SDSL: variants seen among roughly 807,000 people sequenced by gnomAD.
The protein encoded by SDSL is serine dehydratase like.
A neutral mutation model predicts 27.6 loss-of-function variants in SDSL; 26 were observed. The observed-to-expected ratio is 0.94, with a 90% CI of 0.69 to 1.31. The LOEUF (loss-of-function observed/expected upper bound fraction) is 1.31, where lower values mean the gene tolerates loss of function less well. Among genes scored for constraint, SDSL ranks in the 50% most tolerant of loss-of-function variants. SDSL has a pLI of 0.00. For synonymous variants in SDSL, 196 were observed against 180.6 expected (o/e 1.09, Z -0.69); for missense variants, 431 against 423.5 (o/e 1.02, Z -0.16).
At chr12:113,433,775 CTGGTGT>C (rs1258620061) in intron 4 of SDSL, among the ~76,000 whole-genome samples, 3 of 152,202 alleles carry the variant, frequency 2.0e-5, no homozygotes, top group African/African-American at 7.2e-5. Flanking sequence ...AAGTTGCTAT[CTGGTGT>C]TTGACTTTAG....
At position 113,435,398 on chromosome 12, in the gene SDSL, G is replaced by A. The variant is rs771176991; in HGVS notation, c.513G>A (p.Leu171=). ...VLRTPPGALV[L]AVGGGGLLAG... ...GGACCCCACCAGGTGCCCTGGTGCT[G>A]GCAGTTGGGGGTGGGGGTCTCCTGG... is the stretch of plus-strand genomic sequence containing the variant. Residue 171 remains leucine, a synonymous_variant, in exon 6 of 8, where the codon CTG becomes CTA. Coordinates refer to ENST00000403593, the MANE Select transcript of SDSL (RefSeq NM_001304993.2). 36 of 1,610,756 alleles carry A rather than the reference G, an allele frequency of 2.2e-5. No individual in the cohort carries two copies. The South Asian group carries it at 3.9e-4, about 17-fold the overall frequency.
intron 5 of SDSL, among the ~76,000 whole-genome samples, chr12:113,434,539 C>T (rs1957967125): frequency 6.6e-6 from 1 of 152,186 alleles, no homozygotes; most frequent in African/African-American, 2.4e-5. Flanking sequence ...TTACCCTCCC[C>T]AAAGCCCTAG....
Position 113,429,269 on chromosome 12 carries a change from G to A in SDSL, c.324G>A (p.Gly108=), listed in dbSNP as rs374638933. 5.0e-5 allele frequency: 81 copies of A among 1,612,576 alleles called. No homozygotes were observed. In the Middle Eastern group the frequency reaches 2.1e-3, roughly 43 times the overall value. The change falls in exon 4 of 8, where the codon GGG becomes GGA. Residue 108 remains glycine, a synonymous_variant. Coordinates refer to ENST00000403593, the MANE Select transcript of SDSL (RefSeq NM_001304993.2). ...TGCAGGTGGTGCAGAGGCTGCAGGGGGAGGGGGCCGAGGTTCAGCTGACTG... is the reference window on the plus strand; with the variant it reads ...TGCAGGTGGTGCAGAGGCTGCAGGGAGAGGGGGCCGAGGTTCAGCTGACTG... ...TSLQVVQRLQ[G]EGAEVQLTGK...
At chr12:113,428,894 C>T (rs574344052) in intron 3 of SDSL, among the ~76,000 whole-genome samples, 35 of 151,738 alleles carry the variant, frequency 2.3e-4, no homozygotes, top group Non-Finnish European at 4.1e-4. Flanking sequence ...CACCCCTTCT[C>T]GATGCCTCGC....
rs1449478790 is a variant in SDSL at position 113,429,210 on chromosome 12, C to T, written c.265C>T (p.Pro89Ser). ...CTATGCTGCTAGGAAGCTGGGCATTCCTGCCACCATCGTGCTCCCCGAGAG... is the reference window on the plus strand; with the variant it reads ...CTATGCTGCTAGGAAGCTGGGCATTTCTGCCACCATCGTGCTCCCCGAGAG... ...AAYAARKLGI[P>S]ATIVLPESTS... The change falls in exon 4 of 8, where the codon CCT becomes TCT. Residue 89 changes from proline to serine, a missense_variant. By Grantham distance (74) the Pro-to-Ser change is moderately conservative. Transcript: ENST00000403593. The T allele has an allele frequency of 1.2e-6, 2 of 1,613,820 alleles. No homozygotes were observed. Among genetic ancestry groups the T allele is most frequent in the African/African-American group, 2.7e-5 (2 of 74,870 alleles).
At chr12:113,432,224 C>G (rs1957931986) in intron 4 of SDSL, among the ~76,000 whole-genome samples, 2 of 24,892 alleles carry the variant, frequency 8.0e-5, no homozygotes, top group African/African-American at 1.4e-4. Flanking sequence ...TTCTTTCTTT[C>G]TTTCTTTCTT....
intron 1 of SDSL, chr12:113,425,575 A>G (rs1179947624): frequency 4.5e-6 from 2 of 439,778 alleles, no homozygotes; most frequent in Admixed American, 2.5e-5. Context: ...TCTGCCTGGG[A>G]CAAGAGGAGC....
chr12:113,426,149 C>T (rs1010255909), intron 1 of SDSL: 2 of 455,918 alleles, frequency 4.4e-6, no homozygotes, highest in Admixed American at 4.7e-5. Context: ...CCTACCCTCA[C>T]CTCCTGCCCC....
intron 5 of SDSL, 21 bp from the exon 6 acceptor site, chr12:113,435,308 C>T (rs756070404): frequency 6.8e-7 from 1 of 1,471,868 alleles, no homozygotes; most frequent in Non-Finnish European, 9.1e-7. Flanking sequence ...TCTGCTTCTC[C>T]CTCTCACCCC....
At chr12:113,424,664 C>T (rs762119717) in intron 1 of SDSL, among the ~76,000 whole-genome samples, 3 of 151,982 alleles carry the variant, frequency 2.0e-5, no homozygotes, top group African/African-American at 2.4e-5. Flanking sequence ...AGTGAGATAA[C>T]GTCTCCAGAG....
chr12:113,429,021 C>T, intron 3 of SDSL, 139 bp from the exon 4 acceptor site: 2 of 988,462 alleles, frequency 2.0e-6, no homozygotes, highest in East Asian at 2.6e-5. Context: ...TATGTGTCCC[C>T]CTCTTGAGTG....
intron 6 of SDSL, 69 bp downstream of exon 6, chr12:113,435,625 TC>T: frequency 1.5e-6 from 2 of 1,339,974 alleles, no homozygotes; most frequent in Non-Finnish European, 2.1e-6. Flanking sequence ...GGCCTTCCAG[TC>T]CCAGCCGGTG....
intron 1 of SDSL, among the ~76,000 whole-genome samples, chr12:113,427,516 C>G (rs1957863435): frequency 6.6e-6 from 1 of 152,204 alleles, no homozygotes; most frequent in Admixed American, 6.5e-5. Flanking sequence ...TTCATGATTG[C>G]TTTTGCTAAA....
intron 4 of SDSL, among the ~76,000 whole-genome samples, chr12:113,431,911 ATTT>A (rs34838365): frequency 2.8e-4 from 37 of 131,688 alleles, no homozygotes; most frequent in African/African-American, 9.8e-4. Flanking sequence ...ACGCCTGGCT[ATTT>A]TTTTTTTTTT....
At chr12:113,435,651 C>T in intron 6 of SDSL, 95 bp downstream of exon 6, 1 of 1,033,094 alleles carries the variant, frequency 9.7e-7, no homozygotes, top group Non-Finnish European at 1.4e-6. Context: ...CGGGGGCACC[C>T]AAAAGGCTGT....
At chr12:113,430,934 G>T (rs1957914543) in intron 4 of SDSL, among the ~76,000 whole-genome samples, 1 of 152,194 alleles carries the variant, frequency 6.6e-6, no homozygotes, top group Non-Finnish European at 1.5e-5. Flanking sequence ...ACATGGCAAG[G>T]TGTAGGTGTA....
intron 3 of SDSL, 75 bp from the exon 4 acceptor site, chr12:113,429,085 A>C: frequency 6.5e-7 from 1 of 1,536,474 alleles, no homozygotes; most frequent in South Asian, 1.2e-5. Flanking sequence ...CTCTGAAGGG[A>C]TATGGAGGGG....
At chr12:113,425,789 T>TTAGGAAAAA in intron 1 of SDSL, 1 of 447,018 alleles carries the variant, frequency 2.2e-6, no homozygotes, top group Non-Finnish European at 4.5e-6. Context: ...GCTCAGGAGT[T>TTAGGAAAAA]TGAGACCAGC....
chr12:113,424,739 C>T (rs1957828344), intron 1 of SDSL, among the ~76,000 whole-genome samples: 1 of 151,006 alleles, frequency 6.6e-6, no homozygotes, highest in Non-Finnish European at 1.5e-5. Context: ...CTCTCTCTCT[C>T]TCTTTTTTTT....
Sources: allele counts gnomAD v4.1 joint callset (sites outside exome capture counted in the v4.1 genomes callset), GRCh38; gene constraint gnomAD v4.1.1; transcripts MANE v1.5; gene names NCBI Gene and HGNC (gene_info 2026-07-23, HGNC 2026-07-21).